AR: variants seen among roughly 807,000 people sequenced by gnomAD.
AR encodes androgen receptor, also known as dihydrotestosterone receptor.
A neutral mutation model predicts 53.9 loss-of-function variants in AR; 8 were observed. The ratio of observed to expected loss-of-function variants is 0.15; its 90% confidence interval spans 0.09 to 0.27. The LOEUF is 0.27. Ranked by LOEUF, AR falls within the 10% of genes least tolerant of loss-of-function variation. AR has a pLI of 1.00. For missense variants in AR, 639 were observed against 742.5 expected (o/e 0.86, Z 1.62); for synonymous variants, 359 against 316.4 (o/e 1.13, Z -1.43).
chrX:67,661,586 C>A (rs1334203411), intron 2 of AR, among the ~76,000 whole-genome samples: 1 of 111,378 alleles, frequency 9.0e-6, no homozygotes, highest in Non-Finnish European at 1.9e-5. Context: ...AGTGGATACG[C>A]TTTTTGCTGG....
At chrX:67,590,449 C>A (rs1216701535) in intron 1 of AR, among the ~76,000 whole-genome samples, 1 of 111,587 alleles carries the variant, frequency 9.0e-6, no homozygotes, top group African/African-American at 3.3e-5. Flanking sequence ...TTCATCTTTA[C>A]AATGGAAATG....
At chrX:67,670,968 T>C (rs1201772889) in intron 2 of AR, among the ~76,000 whole-genome samples, 2 of 112,093 alleles carry the variant, frequency 1.8e-5, no homozygotes, top group African/African-American at 6.5e-5. Context: ...TTCCATGGTG[T>C]ATATGTGCCA....
chrX:67,659,447 T>A (rs1365506647), intron 2 of AR, among the ~76,000 whole-genome samples: 1 of 111,009 alleles, frequency 9.0e-6, no homozygotes, highest in Non-Finnish European at 1.9e-5. Context: ...AATTCTCACC[T>A]GTGAGTGAGA....
chrX:67,693,206 C>A (rs1957235474), intron 3 of AR, among the ~76,000 whole-genome samples: 1 of 111,993 alleles, frequency 8.9e-6, no homozygotes, highest in African/African-American at 3.2e-5. Flanking sequence ...TACTTAAATC[C>A]TTGAGTTTTT....
rs780799470 is a variant in AR, at chrX:67,545,872, A to T, written c.726A>T (p.Ala242=). The change falls in exon 1 of 8, where the codon GCA becomes GCT. Residue 242 remains alanine, a synonymous_variant. Transcript: ENST00000374690. ...ISDNAKELCK[A]VSVSMGLGVE... ...ACAACGCCAAGGAGTTGTGTAAGGC[A>T]GTGTCGGTGTCCATGGGCCTGGGTG... is the stretch of plus-strand genomic sequence containing the variant. The T allele has an allele frequency of 8.3e-7, 1 of 1,211,987 alleles. No individual in the cohort carries two copies.
At chrX:67,681,123 G>A (rs141669139) in intron 2 of AR, 2 of 134,283 alleles carry the variant, frequency 1.5e-5, no homozygotes, top group African/African-American at 3.2e-5. Context: ...TTTGTATTTT[G>A]TCAGTCATTT....
chrX:67,565,451 C>T (rs989924410), intron 1 of AR, among the ~76,000 whole-genome samples: 8 of 111,347 alleles, frequency 7.2e-5, no homozygotes, highest in African/African-American at 1.6e-4. Context: ...GGTGGAGGAC[C>T]GGAAAATGGG....
intron 3 of AR, among the ~76,000 whole-genome samples, chrX:67,693,766 C>T (rs1215156030): frequency 8.9e-6 from 1 of 111,764 alleles, no homozygotes; most frequent in African/African-American, 3.2e-5. Flanking sequence ...CCTGCATCAC[C>T]TTTTTTGGAA....
chrX:67,630,852 C>T (rs4393047), intron 1 of AR, among the ~76,000 whole-genome samples: 6,352 of 109,731 alleles, frequency 0.058, 471 homozygotes, highest in African/African-American at 0.2. Context: ...CAAAATCTCT[C>T]GGCATTTGCT....
At chrX:67,632,911 A>G (rs777549085) in intron 1 of AR, among the ~76,000 whole-genome samples, 35 of 112,245 alleles carry the variant, frequency 3.1e-4, no homozygotes, top group Non-Finnish European at 5.8e-4. Flanking sequence ...AAATTTAAAA[A>G]TGCTCAACAT....
intron 5 of AR, among the ~76,000 whole-genome samples, chrX:67,720,996 A>G (rs757194107): frequency 1.5e-4 from 17 of 111,576 alleles, no homozygotes; most frequent in Non-Finnish European, 3.0e-4. Context: ...CAGCCATGGA[A>G]CCGAGAGGTT....
chrX:67,596,037 G>C (rs1037674656), intron 1 of AR, among the ~76,000 whole-genome samples: 2 of 109,874 alleles, frequency 1.8e-5, no homozygotes, highest in African/African-American at 6.6e-5. Flanking sequence ...TGGTGCTGTT[G>C]TGGTGATAGT....
chrX:67,556,439 A>T (rs1921057747), intron 1 of AR, among the ~76,000 whole-genome samples: 2 of 111,883 alleles, frequency 1.8e-5, no homozygotes, highest in African/African-American at 6.5e-5. Flanking sequence ...AGACTGATGG[A>T]TTTGGTTGTG....
chrX:67,667,852 T>A, intron 2 of AR, among the ~76,000 whole-genome samples: 1 of 111,622 alleles, frequency 9.0e-6, no homozygotes, highest in Non-Finnish European at 1.9e-5. Flanking sequence ...TTTCTTGATT[T>A]CTTTTTTAGA....
Position 67,727,179 on chromosome X carries a change from A to G in AR, c.*3338A>G, listed in dbSNP as rs2076161129. On this transcript the variant is annotated 3_prime_UTR_variant, in exon 8 of 8. Transcript: ENST00000374690. The stretch of plus-strand genomic sequence containing the variant: ...TGTTTCATAGCTTTTTCTATGCCAT[A>G]GGCAATATTGTTGTTCTTGGAAAGT... 5.9e-6 allele frequency: 1 copy of G among 169,885 alleles called. No homozygotes were observed. The highest frequency in any genetic ancestry group is 3.0e-5 in the African/African-American group (1 of 33,832). 14.0% of individuals were successfully genotyped at this position (169,885 alleles called of 1,213,427 possible). A position where few individuals can be genotyped will look rare whatever the true frequency, so the allele number is the denominator to read the frequency against.
intron 1 of AR, among the ~76,000 whole-genome samples, chrX:67,630,316 G>T (rs952761661): frequency 2.7e-5 from 3 of 111,296 alleles, no homozygotes; most frequent in Non-Finnish European, 3.8e-5. Context: ...ATGAATCTGG[G>T]TGCTCCTGTA....
intron 2 of AR, among the ~76,000 whole-genome samples, chrX:67,660,759 G>T (rs1015701188): frequency 5.4e-5 from 6 of 111,624 alleles, no homozygotes; most frequent in Non-Finnish European, 7.5e-5. Flanking sequence ...AGAAAGTCAT[G>T]GGTAGCTTGA....
At chrX:67,691,706 G>C (rs970690965) in intron 3 of AR, among the ~76,000 whole-genome samples, 1 of 112,020 alleles carries the variant, frequency 8.9e-6, no homozygotes, top group African/African-American at 3.2e-5. Flanking sequence ...GTGTCATTAA[G>C]AATCAGTCAA....
intron 3 of AR, chrX:67,689,595 G>A (rs903727189): frequency 1.0e-6 from 1 of 964,412 alleles, no homozygotes; most frequent in East Asian, 7.7e-5. Context: ...AGGGTGTTTG[G>A]AGTCTCAGAA....
Sources: allele counts gnomAD v4.1 joint callset (sites outside exome capture counted in the v4.1 genomes callset), GRCh38; gene constraint gnomAD v4.1.1; transcripts MANE v1.5; gene names NCBI Gene and HGNC (gene_info 2026-07-23, HGNC 2026-07-21).